The following LRRTM4 variants were observed in gnomAD, a reference collection of about 807,000 sequenced individuals.
LRRTM4 encodes leucine-rich repeat transmembrane neuronal protein 4.
In LRRTM4, 25 loss-of-function variants were observed where a neutral mutation model predicts 47.6. That is an observed-to-expected ratio of 0.53 (90% CI 0.38 to 0.73). The LOEUF is 0.73. LRRTM4 is among the 30% of genes least tolerant of loss of function. LRRTM4 has a pLI of 0.00. For missense variants in LRRTM4, 638 were observed against 713.4 expected (o/e 0.89, Z 1.20); for synonymous variants, 311 against 269.5 (o/e 1.15, Z -1.51).
intron 3 of LRRTM4, among the ~76,000 whole-genome samples, chr2:77,308,982 G>C (rs1677370207): frequency 6.6e-6 from 1 of 152,006 alleles, no homozygotes; most frequent in South Asian, 2.1e-4. Context: ...TTCAAACCCA[G>C]AATTTCCTGG....
intron 3 of LRRTM4, among the ~76,000 whole-genome samples, chr2:77,062,892 C>A (rs1679833419): frequency 6.6e-6 from 1 of 151,626 alleles, no homozygotes; most frequent in African/African-American, 2.4e-5. Context: ...AGGATTCAAA[C>A]AATATTCTAA....
At chr2:77,002,210 C>A (rs867046489) in intron 3 of LRRTM4, among the ~76,000 whole-genome samples, 1 of 152,074 alleles carries the variant, frequency 6.6e-6, no homozygotes, top group African/African-American at 2.4e-5. Context: ...TTTAAAATAG[C>A]CTTTTAGAGT....
intron 3 of LRRTM4, among the ~76,000 whole-genome samples, chr2:76,904,061 G>A (rs1420940213): frequency 6.6e-6 from 1 of 152,196 alleles, no homozygotes; most frequent in African/African-American, 2.4e-5. Flanking sequence ...CAGCAACACT[G>A]GTGACAGCTC....
chr2:77,064,155 C>G (rs969448354), intron 3 of LRRTM4, among the ~76,000 whole-genome samples: 3 of 151,936 alleles, frequency 2.0e-5, no homozygotes, highest in Non-Finnish European at 1.5e-5. Flanking sequence ...ATTTTAATCT[C>G]AAAACTGATT....
At chr2:77,314,361 A>G (rs1393275550) in intron 3 of LRRTM4, among the ~76,000 whole-genome samples, 1 of 152,202 alleles carries the variant, frequency 6.6e-6, no homozygotes, top group Non-Finnish European at 1.5e-5. Context: ...CTTAAATAAT[A>G]ATTAACAAAA....
intron 3 of LRRTM4, among the ~76,000 whole-genome samples, chr2:76,893,866 G>A (rs1472276182): frequency 2.4e-4 from 36 of 151,784 alleles, no homozygotes; most frequent in Admixed American, 2.4e-3. Flanking sequence ...CATTTTGGGT[G>A]CATTTTATTT....
At chr2:77,409,126 T>C (rs1002082189) in intron 3 of LRRTM4, among the ~76,000 whole-genome samples, 1 of 152,150 alleles carries the variant, frequency 6.6e-6, no homozygotes, top group African/African-American at 2.4e-5. Context: ...TAGATAACAA[T>C]AGTTTTTCTC....
chr2:77,182,495 T>C (rs185546069), intron 3 of LRRTM4, among the ~76,000 whole-genome samples: 2 of 152,168 alleles, frequency 1.3e-5, no homozygotes, highest in Non-Finnish European at 2.9e-5. Flanking sequence ...GGCACACATA[T>C]ACCTCTGTAA....
intron 3 of LRRTM4, among the ~76,000 whole-genome samples, chr2:77,395,895 G>A (rs1379381608): frequency 1.3e-5 from 2 of 151,800 alleles, no homozygotes; most frequent in Non-Finnish European, 2.9e-5. Flanking sequence ...ATTCTTAAGT[G>A]GTCCACTTTT....
chr2:77,166,883 G>A (rs1394631043), intron 3 of LRRTM4, among the ~76,000 whole-genome samples: 1 of 152,072 alleles, frequency 6.6e-6, no homozygotes, highest in African/African-American at 2.4e-5. Context: ...TACCATTCAG[G>A]ACATAGGCAT....
intron 3 of LRRTM4, among the ~76,000 whole-genome samples, chr2:77,218,183 G>A (rs1311292516): frequency 6.6e-6 from 1 of 152,028 alleles, no homozygotes; most frequent in Non-Finnish European, 1.5e-5. Flanking sequence ...TAGTAGAGAT[G>A]GGGTTTCTTC....
intron 3 of LRRTM4, among the ~76,000 whole-genome samples, chr2:77,383,497 T>C (rs1673141809): frequency 6.6e-6 from 1 of 152,092 alleles, no homozygotes; most frequent in African/African-American, 2.4e-5. Flanking sequence ...GCTTTGATTT[T>C]TCCACTACGA....
intron 3 of LRRTM4, among the ~76,000 whole-genome samples, chr2:77,162,845 G>T (rs1371343274): frequency 6.6e-6 from 1 of 152,120 alleles, no homozygotes; most frequent in East Asian, 1.9e-4. Flanking sequence ...AAGACTAAAG[G>T]TAGATTAAAC....
chr2:76,772,166 T>G (rs1009742065), intron 3 of LRRTM4, among the ~76,000 whole-genome samples: 1 of 152,052 alleles, frequency 6.6e-6, no homozygotes, highest in Non-Finnish European at 1.5e-5. Context: ...AGTGCCATTA[T>G]CAAAGAAACC....
At chr2:77,002,864 T>C (rs1358500296) in intron 3 of LRRTM4, among the ~76,000 whole-genome samples, 1 of 152,172 alleles carries the variant, frequency 6.6e-6, no homozygotes, top group African/African-American at 2.4e-5. Context: ...TCCTGTTCTA[T>C]TTATTGAGCT....
intron 3 of LRRTM4, among the ~76,000 whole-genome samples, chr2:77,307,147 G>A (rs1259239835): frequency 2.0e-5 from 3 of 151,714 alleles, no homozygotes; most frequent in Admixed American, 6.6e-5. Context: ...TGATCCGCCC[G>A]CCTCGGCCTC....
chr2:77,323,444 CG>C (rs1670622669), intron 3 of LRRTM4, among the ~76,000 whole-genome samples: 1 of 152,106 alleles, frequency 6.6e-6, no homozygotes, highest in Non-Finnish European at 1.5e-5. Flanking sequence ...GTCCACCCTA[CG>C]TTTGAACTTT....
chr2:77,303,884 T>A (rs1483846358), intron 3 of LRRTM4, among the ~76,000 whole-genome samples: 1 of 152,198 alleles, frequency 6.6e-6, no homozygotes, highest in Non-Finnish European at 1.5e-5. Context: ...TGATTTCATA[T>A]CTTGGCTATT....
chr2:77,392,287 C>T (rs568966318), intron 3 of LRRTM4, among the ~76,000 whole-genome samples: 20 of 151,878 alleles, frequency 1.3e-4, no homozygotes, highest in Non-Finnish European at 2.8e-4. Flanking sequence ...AAGCCCTGCC[C>T]CCCACCCATC....
Sources: allele counts gnomAD v4.1 joint callset (sites outside exome capture counted in the v4.1 genomes callset), GRCh38; gene constraint gnomAD v4.1.1; transcripts MANE v1.5; gene names NCBI Gene and HGNC (gene_info 2026-07-23, HGNC 2026-07-21).